Variants in DGKI observed in about 807,000 individuals in gnomAD.
DGKI encodes DAG kinase iota.
DGKI carries 55 observed loss-of-function variants against 147.5 expected under a neutral mutation model. That is an observed-to-expected ratio of 0.37 (90% CI 0.30 to 0.47). The LOEUF (loss-of-function observed/expected upper bound fraction) is 0.47, where lower values mean the gene tolerates loss of function less well. Ranked by LOEUF, DGKI falls within the 20% of genes least tolerant of loss-of-function variation. The pLI, the probability that DGKI is intolerant of heterozygous loss-of-function variation, is 1.00. For missense variants in DGKI, 1,007 were observed against 1,323.8 expected, an observed-to-expected ratio of 0.76 and a Z score of 3.71; for synonymous variants, 469 against 477.1, an observed-to-expected ratio of 0.98 and a Z score of 0.22.
At chr7:137,651,527 A>G (rs1822026120) in intron 5 of DGKI, among the ~76,000 whole-genome samples, 1 of 152,190 alleles carries the variant, frequency 6.6e-6, no homozygotes, top group South Asian at 2.1e-4. Context: ...TTGATGTATT[A>G]TATTTGAGAT....
intron 2 of DGKI, among the ~76,000 whole-genome samples, chr7:137,679,990 C>CAAAAAAAAAAAAAAAA (rs768437551): frequency 1.8e-5 from 1 of 54,074 alleles, no homozygotes; most frequent in African/African-American, 6.2e-5. Context: ...GACTCCATCT[C>CAAAAAAAAAAAAAAAA]AAAAAAAAAA....
chr7:137,711,685 T>C (rs12707371), intron 1 of DGKI, among the ~76,000 whole-genome samples: 1 of 43,986 alleles, frequency 2.3e-5, no homozygotes, highest in Non-Finnish European at 4.3e-5. Flanking sequence ...GGATACCAAC[T>C]TTTTTTTTTT....
intron 19 of DGKI, among the ~76,000 whole-genome samples, chr7:137,567,264 CAA>C (rs3083517): frequency 1.1e-4 from 14 of 124,570 alleles, no homozygotes; most frequent in African/African-American, 8.6e-5. Context: ...AACTCCATCT[CAA>C]AAAAAAAAAA....
At chr7:137,539,718 A>G (rs971624721) in intron 20 of DGKI, among the ~76,000 whole-genome samples, 1 of 151,878 alleles carries the variant, frequency 6.6e-6, no homozygotes, top group Non-Finnish European at 1.5e-5. Flanking sequence ...AGCAAAATAA[A>G]CCCAAATCAA....
chr7:137,611,400 A>C (rs984751111), intron 8 of DGKI, among the ~76,000 whole-genome samples: 1 of 152,200 alleles, frequency 6.6e-6, no homozygotes, highest in Non-Finnish European at 1.5e-5. Flanking sequence ...AGCCCAGGCA[A>C]GGATACTTTT....
rs536792686 is a variant in DGKI, at chr7:137,503,754, G to A, written c.2249-16065C>T. Among the ~76,000 whole-genome samples, 35 of 152,198 alleles carry A rather than the reference G, an allele frequency of 2.3e-4. 1 individual carries two copies. The highest frequency in any genetic ancestry group is 4.1e-4 in the South Asian group (2 of 4,820). On this transcript the variant is annotated intron_variant, in intron 21 of 32. Coordinates refer to ENST00000614521, the MANE Select transcript of DGKI (RefSeq NM_001321708.2). ...ACAATATAGTATGTAAAGGCCCAAT[G>A]TACTGAGAAAGATCATATTATCTAC...
intron 1 of DGKI, among the ~76,000 whole-genome samples, chr7:137,757,843 T>C (rs189765105): frequency 3.4e-3 from 511 of 152,348 alleles, no homozygotes; most frequent in Non-Finnish European, 5.6e-3. Flanking sequence ...ACAAGATAAC[T>C]ATATCCACCT....
At position 137,571,160 on chromosome 7, in the gene DGKI, A is replaced by G; in HGVS notation, c.1947+15T>C. On this transcript the variant is annotated intron_variant, in intron 19 of 32. Coordinates refer to ENST00000614521, the MANE Select transcript of DGKI (RefSeq NM_001321708.2). ...AAAATACATTTCATTTTAATAAAACAGTTATATTGCTCACCAAAGAGGCCA... is the reference window on the plus strand; with the variant it reads ...AAAATACATTTCATTTTAATAAAACGGTTATATTGCTCACCAAAGAGGCCA... 6.4e-7 allele frequency: 1 copy of G among 1,550,992 alleles called. No homozygotes were observed. Among genetic ancestry groups the G allele is most frequent in the Non-Finnish European group, 8.8e-7 (1 of 1,142,392 alleles).
At chr7:137,405,007 G>T (rs913021583) in intron 30 of DGKI, among the ~76,000 whole-genome samples, 3 of 152,076 alleles carry the variant, frequency 2.0e-5, no homozygotes, top group African/African-American at 7.2e-5. Context: ...TGGATGAACG[G>T]TGCTTTTAAA....
chr7:137,619,700 A>T (rs1211486229), intron 8 of DGKI, 124 bp downstream of exon 8: 3 of 715,604 alleles, frequency 4.2e-6, no homozygotes, highest in Non-Finnish European at 7.3e-6. Context: ...AGCTAAGCAC[A>T]GGGCCTTGGG....
chr7:137,510,208 G>C (rs965511939), intron 21 of DGKI, among the ~76,000 whole-genome samples: 5 of 152,208 alleles, frequency 3.3e-5, no homozygotes, highest in African/African-American at 1.2e-4. Context: ...AACTGAATAT[G>C]TAAGTTTAAT....
intron 27 of DGKI, among the ~76,000 whole-genome samples, chr7:137,459,060 G>A (rs908997655): frequency 6.6e-6 from 1 of 152,066 alleles, no homozygotes. Context: ...CTTTCCTATA[G>A]GATCTGCATA....
intron 2 of DGKI, among the ~76,000 whole-genome samples, chr7:137,682,136 G>A (rs1437784435): frequency 1.3e-5 from 2 of 152,168 alleles, no homozygotes; most frequent in Non-Finnish European, 2.9e-5. Flanking sequence ...AGTTACTGAA[G>A]CTGAGTGTGG....
chr7:137,564,738 AG>A (rs1818526411), intron 19 of DGKI, among the ~76,000 whole-genome samples: 1 of 152,198 alleles, frequency 6.6e-6, no homozygotes, highest in Admixed American at 6.5e-5. Flanking sequence ...TGTTTCATCA[AG>A]TATAATATTT....
chr7:137,768,373 G>A (rs1219509220), intron 1 of DGKI, among the ~76,000 whole-genome samples: 2 of 152,030 alleles, frequency 1.3e-5, no homozygotes, highest in Non-Finnish European at 2.9e-5. Flanking sequence ...TAGTGGGGAG[G>A]GAGTGAGGCA....
rs1812020905 is a variant in DGKI, at chr7:137,408,013, C to T, written c.2800-18G>A. The T allele has an allele frequency of 6.2e-7, 1 of 1,612,646 alleles. No homozygotes were observed. The highest frequency in any genetic ancestry group is 1.1e-5 in the South Asian group (1 of 90,824). On this transcript the variant is annotated intron_variant, in intron 29 of 32. Coordinates refer to ENST00000614521, the MANE Select transcript of DGKI (RefSeq NM_001321708.2). ...TCTATTAGCTGCAAAGAGAGACATA[C>T]AAAAAGAAGCTCAGGCAGAATTCGG...
At chr7:137,596,032 A>T (rs1273126974) in intron 12 of DGKI, among the ~76,000 whole-genome samples, 1 of 142,448 alleles carries the variant, frequency 7.0e-6, no homozygotes, top group Non-Finnish European at 1.5e-5. Flanking sequence ...AAAAAAAAAA[A>T]AGAAAGAAAG....
intron 1 of DGKI, chr7:137,722,420 C>T (rs796357324): frequency 6.2e-7 from 1 of 1,611,334 alleles, no homozygotes; most frequent in Admixed American, 1.7e-5. Context: ...GCCAGCATTA[C>T]CCCCGGGACC....
intron 3 of DGKI, among the ~76,000 whole-genome samples, chr7:137,657,150 C>T (rs1822255106): frequency 6.6e-6 from 1 of 152,192 alleles, no homozygotes; most frequent in Non-Finnish European, 1.5e-5. Flanking sequence ...AGAATAGCAA[C>T]AAAAGCAGGA....
Sources: gnomAD v4.1 joint callset for allele counts (sites outside exome capture counted in the v4.1 genomes callset) on GRCh38, gnomAD v4.1.1 for gene constraint, MANE v1.5 for transcripts, NCBI Gene and HGNC (gene_info 2026-07-23, HGNC 2026-07-21) for gene names.